Variants in SP3 observed in about 807,000 individuals in gnomAD.
The protein encoded by SP3 is transcription factor Sp3.
In SP3, 10 loss-of-function variants were observed where a neutral mutation model predicts 70.3. That is an observed-to-expected ratio of 0.14 (90% CI 0.09 to 0.24). SP3 has a LOEUF of 0.24. SP3 is among the 10% of genes least tolerant of loss of function. The pLI, the probability that SP3 is intolerant of heterozygous loss-of-function variation, is 1.00. For missense variants in SP3, 825 were observed against 914.6 expected, an observed-to-expected ratio of 0.90 and a Z score of 1.26; for synonymous variants, 402 against 333.5, an observed-to-expected ratio of 1.21 and a Z score of -2.24.
At chr2:173,962,708 T>C (rs1179464147) in intron 3 of SP3, among the ~76,000 whole-genome samples, 1 of 152,076 alleles carries the variant, frequency 6.6e-6, no homozygotes, top group African/African-American at 2.4e-5. Flanking sequence ...AATACCAAAC[T>C]TCTGTCTTCA....
chr2:173,954,178 G>A (rs1249387418), intron 4 of SP3, among the ~76,000 whole-genome samples: 2 of 152,172 alleles, frequency 1.3e-5, no homozygotes, highest in Non-Finnish European at 2.9e-5. Flanking sequence ...AACATTAATA[G>A]GGTAAAAATG....
intron 3 of SP3, among the ~76,000 whole-genome samples, chr2:173,958,215 T>C (rs960637148): frequency 6.6e-6 from 1 of 152,008 alleles, no homozygotes; most frequent in Non-Finnish European, 1.5e-5. Context: ...TACTGGCATT[T>C]TGTCCCTTTT....
rs567604880 is a variant in SP3, at chr2:173,907,447, C to T, written c.*2494G>A. ...AATTATCTACACTGAGGTTACATAA[C>T]TTTGGTAAAAGTTCCAAAGTTCACT... On this transcript the variant is annotated 3_prime_UTR_variant, in exon 7 of 7. Transcript: ENST00000310015. 1.3e-5 allele frequency: 2 copies of T among 152,118 alleles called. No homozygotes were observed. Among genetic ancestry groups the T allele is most frequent in the African/African-American group, 4.8e-5 (2 of 41,522 alleles). 9.4% of individuals were successfully genotyped at this position (152,118 alleles called of 1,614,324 possible).
intron 3 of SP3, 137 bp from the exon 4 acceptor site, chr2:173,956,369 G>T: frequency 2.4e-6 from 2 of 846,822 alleles, no homozygotes; most frequent in Non-Finnish European, 3.6e-6. Flanking sequence ...AAATACAGGA[G>T]CAGTACTATA....
In SP3 at chr2:173,938,649, G is replaced by A. The variant is rs555615012; in HGVS notation, c.1639+16224C>T. Among the ~76,000 whole-genome samples, 3 of 151,954 alleles carry A rather than the reference G, an allele frequency of 2.0e-5. No homozygotes were observed. The South Asian group carries it at 6.2e-4, about 32-fold the overall frequency. ...ATCCCAAAACAAGAAATACATGTTA[G>A]CTATAATACAAGACAAAGGACAAGT... On this transcript the variant is annotated intron_variant, in intron 4 of 6. Transcript: ENST00000310015.
At chr2:173,943,961 A>T (rs918030665) in intron 4 of SP3, among the ~76,000 whole-genome samples, 1 of 152,222 alleles carries the variant, frequency 6.6e-6, no homozygotes, top group Non-Finnish European at 1.5e-5. Context: ...TACTCTACTG[A>T]GTACTATAGG....
intron 4 of SP3, among the ~76,000 whole-genome samples, chr2:173,947,714 A>G (rs1487780022): frequency 1.3e-5 from 2 of 152,150 alleles, no homozygotes; most frequent in Non-Finnish European, 2.9e-5. Flanking sequence ...TGTTGATTTT[A>G]TCAGCTATCT....
At chr2:173,919,590 A>G (rs989808867) in intron 4 of SP3, among the ~76,000 whole-genome samples, 2 of 152,174 alleles carry the variant, frequency 1.3e-5, no homozygotes, top group Non-Finnish European at 2.9e-5. Flanking sequence ...AAAATGACCC[A>G]TAAAAGTAAG....
At chr2:173,920,377 A>T (rs1689720012) in intron 4 of SP3, among the ~76,000 whole-genome samples, 1 of 152,154 alleles carries the variant, frequency 6.6e-6, no homozygotes, top group South Asian at 2.1e-4. Context: ...CATTTGTTCA[A>T]ACTTACAGAA....
rs1432510473 is a variant in SP3 at position 173,905,045 on chromosome 2, T to C, written c.*4896A>G. On this transcript the variant is annotated 3_prime_UTR_variant, in exon 7 of 7. Transcript: ENST00000310015. ...TTCCTCAAGAAAATACACATTTAGG[T>C]GCTTCAGTCTTTTCTTCTTATTCCA... Among the ~76,000 whole-genome samples the C allele has an allele frequency of 6.6e-6, 1 of 152,230 alleles. No individual in the cohort carries two copies. The highest frequency in any genetic ancestry group is 1.5e-5 in the Non-Finnish European group (1 of 68,040).
At chr2:173,965,618 G>A (rs901176722), upstream of SP3, 1 of 209,754 alleles carries the variant, frequency 4.8e-6, no homozygotes, top group African/African-American at 2.4e-5. Flanking sequence ...CCAGGCCCGA[G>A]GCGCAGGCCT....
In SP3 at chr2:173,906,360, G is replaced by A. The variant is rs1001701663; in HGVS notation, c.*3581C>T. 3.3e-5 allele frequency: 5 copies of A among 152,054 alleles called. No individual in the cohort carries two copies. Among genetic ancestry groups the A allele is most frequent in the Non-Finnish European group, 7.4e-5 (5 of 68,020 alleles). The allele number at this position is 152,054 out of a possible 1,614,324, so 9.4% of individuals were successfully genotyped here. Reference sequence around the variant, plus strand: ...CTTCAACACTAAATAAAATTATGAGGTGATTTCACAAAAATATCAAATTTG... The same window carrying A: ...CTTCAACACTAAATAAAATTATGAGATGATTTCACAAAAATATCAAATTTG... On this transcript the variant is annotated 3_prime_UTR_variant, in exon 7 of 7. Transcript: ENST00000310015.
intron 1 of SP3, chr2:173,964,936 G>A (rs1691244402): frequency 1.8e-6 from 1 of 557,156 alleles, no homozygotes; most frequent in South Asian, 2.5e-5. Flanking sequence ...GGCGGACCGG[G>A]CCGCCCGCCC....
chr2:173,920,586 G>A (rs984251904), intron 4 of SP3, among the ~76,000 whole-genome samples: 1 of 151,686 alleles, frequency 6.6e-6, no homozygotes, highest in Non-Finnish European at 1.5e-5. Flanking sequence ...CATCTCAACT[G>A]CTCTTTAAAA....
chr2:173,965,366 A>AG lies in SP3; in HGVS notation c.-196dup, dbSNP rs1691262161. 3.2e-6 allele frequency: 2 copies of AG among 618,828 alleles called. No individual in the cohort carries two copies. The highest frequency in any genetic ancestry group is 4.2e-5 in the South Asian group (2 of 48,112). The allele number at this position is 618,828 out of a possible 1,614,324, so 38.3% of individuals were successfully genotyped here. A position where few individuals can be genotyped will look rare whatever the true frequency, so the allele number is the denominator to read the frequency against. On this transcript the variant is annotated 5_prime_UTR_variant, in exon 1 of 7. Transcript: ENST00000310015. The stretch of plus-strand genomic sequence containing the variant: ...AGCCTCCAGCCCAAAAGGGGGGAAG[A>AG]GGGTGACAGCCCGCCCGGAACTCCC...
Position 173,907,045 on chromosome 2 carries a change from G to A in SP3, c.*2896C>T, listed in dbSNP as rs936152251. 2.6e-5 allele frequency: 4 copies of A among 152,096 alleles called. No homozygotes were observed. The highest frequency in any genetic ancestry group is 4.8e-5 in the African/African-American group (2 of 41,404). 9.4% of individuals were successfully genotyped at this position (152,096 alleles called of 1,614,324 possible). A position where few individuals can be genotyped will look rare whatever the true frequency, so the allele number is the denominator to read the frequency against. On this transcript the variant is annotated 3_prime_UTR_variant, in exon 7 of 7. Transcript: ENST00000310015. ...ATTTACAGGGCATCTGACTTTCTGC[G>A]GTAGGTGTAGCTCCTTTAAAAGGTT...
chr2:173,921,129 A>T (rs375672409), intron 4 of SP3, among the ~76,000 whole-genome samples: 42 of 152,184 alleles, frequency 2.8e-4, no homozygotes, highest in African/African-American at 8.7e-4. Flanking sequence ...CAATATAAAG[A>T]TTATTATAAA....
chr2:173,954,855 A>G lies in SP3; in HGVS notation c.1639+18T>C, dbSNP rs760836657. Reference sequence around the variant, plus strand: ...TATCACTGAACTTATTTATGGCATGACATAACTTAAGACTCACCTGCAGGA... The same window carrying G: ...TATCACTGAACTTATTTATGGCATGGCATAACTTAAGACTCACCTGCAGGA... On this transcript the variant is annotated intron_variant, in intron 4 of 6. Transcript: ENST00000310015. 6 of 1,600,480 alleles carry G rather than the reference A, an allele frequency of 3.7e-6. No homozygotes were observed. The highest frequency in any genetic ancestry group is 1.1e-5 in the South Asian group (1 of 90,456).
intron 5 of SP3, among the ~76,000 whole-genome samples, chr2:173,918,262 C>T (rs1177451903): frequency 1.3e-5 from 2 of 152,112 alleles, no homozygotes; most frequent in African/African-American, 4.8e-5. Context: ...CTACTATTCT[C>T]AACCTAAAAA....
Sources: allele counts gnomAD v4.1 joint callset (sites outside exome capture counted in the v4.1 genomes callset), GRCh38; gene constraint gnomAD v4.1.1; transcripts MANE v1.5; gene names NCBI Gene and HGNC (gene_info 2026-07-23, HGNC 2026-07-21).